RNF125: variants seen among roughly 807,000 people sequenced by gnomAD.
RNF125 encodes E3 ubiquitin-protein ligase RNF125.
Under a neutral mutation model 26.0 loss-of-function variants are expected in RNF125, and 21 were observed. The ratio of observed to expected loss-of-function variants is 0.81; its 90% CI spans 0.57 to 1.16. RNF125 has a LOEUF of 1.16. Ranked by LOEUF, RNF125 falls within the 50% of genes most tolerant of loss-of-function variation. RNF125 has a pLI of 0.00. For synonymous variants in RNF125, 95 were observed against 109.2 expected (o/e 0.87, Z 0.81); for missense variants, 270 against 299.4 (o/e 0.90, Z 0.72).
At chr18:32,082,557 T>C in the RNF125 span, among the ~76,000 whole-genome samples, 1 of 152,142 alleles carries the variant, frequency 6.6e-6, no homozygotes, top group Non-Finnish European at 1.5e-5. Context: ...TGTCCTGATA[T>C]AAAGTTTGTC....
the RNF125 span, among the ~76,000 whole-genome samples, chr18:32,085,569 C>T: frequency 3.3e-5 from 5 of 151,796 alleles, no homozygotes; most frequent in East Asian, 1.9e-4. Flanking sequence ...GGTGTGGCGG[C>T]GGGTGCCTGT....
intron 2 of RNF125, among the ~76,000 whole-genome samples, chr18:32,038,149 A>G (rs919702277): frequency 2.0e-5 from 3 of 150,662 alleles, no homozygotes; most frequent in African/African-American, 7.4e-5. Flanking sequence ...CTCAGGTTCA[A>G]GTGATTCTAA....
intron 4 of RNF125, among the ~76,000 whole-genome samples, chr18:32,058,477 C>G (rs888475685): frequency 1.3e-5 from 2 of 152,010 alleles, no homozygotes; most frequent in Non-Finnish European, 2.9e-5. Flanking sequence ...TCCCAAGTAG[C>G]TAGGACTACA....
In RNF125 at chr18:32,065,889, T is replaced by G. The variant is rs529127183; in HGVS notation, c.505-13T>G. On this transcript the variant is annotated splice_polypyrimidine_tract_variant and intron_variant, in intron 4 of 5. Transcript: ENST00000217740. Reference sequence around the variant, plus strand: ...AAATTCTTTCTTGAACCCCTGGTCTTGTTTGTTTCCAGTTCTGTCCACTTT... The same window carrying G: ...AAATTCTTTCTTGAACCCCTGGTCTGGTTTGTTTCCAGTTCTGTCCACTTT... 2.6e-6 allele frequency: 4 copies of G among 1,563,886 alleles called. No homozygotes were observed. The South Asian group carries it at 4.5e-5, about 17-fold the overall frequency.
intron 2 of RNF125, among the ~76,000 whole-genome samples, chr18:32,040,420 C>G (rs1206029721): frequency 6.6e-6 from 1 of 151,882 alleles, no homozygotes; most frequent in African/African-American, 2.4e-5. Context: ...TATAGGTGCA[C>G]ACCACCACAC....
At chr18:32,077,438 T>C (rs943490932), downstream of RNF125, among the ~76,000 whole-genome samples, 16 of 146,514 alleles carry the variant, frequency 1.1e-4, no homozygotes, top group Admixed American at 1.1e-3. Flanking sequence ...CTCAGCTCAA[T>C]GCAACCTCTG....
chr18:32,036,557 AAAGGAAGG>A (rs149149805), intron 1 of RNF125, among the ~76,000 whole-genome samples: 1 of 134,918 alleles, frequency 7.4e-6, no homozygotes, highest in Non-Finnish European at 1.6e-5. Context: ...TCTTGACCAG[AAAGGAAGG>A]AAGGAAGGAA....
At chr18:32,031,222 T>C (rs1449389921) in intron 1 of RNF125, 1 of 151,798 alleles carries the variant, frequency 6.6e-6, no homozygotes, top group African/African-American at 2.4e-5. Context: ...CTGAGGTTTC[T>C]TGAAAAGACT....
At chr18:32,058,132 TAAAAAAA>T (rs780204451) in intron 4 of RNF125, among the ~76,000 whole-genome samples, 1 of 80,676 alleles carries the variant, frequency 1.2e-5, no homozygotes, top group South Asian at 3.9e-4. Context: ...ACCCCATCTC[TAAAAAAA>T]AAAAAAAAAA....
chr18:32,056,477 A>C (rs2039384272), intron 4 of RNF125, among the ~76,000 whole-genome samples: 1 of 151,658 alleles, frequency 6.6e-6, no homozygotes, highest in Non-Finnish European at 1.5e-5. Context: ...TTAGCTGGGC[A>C]TGGTGGCCCA....
intron 1 of RNF125, among the ~76,000 whole-genome samples, chr18:32,020,095 T>TATCTCGGCTCACTGCA (rs1247362327): frequency 6.6e-6 from 1 of 151,570 alleles, no homozygotes; most frequent in African/African-American, 2.4e-5. Context: ...GCGGTGGTGC[T>TATCTCGGCTCACTGCA]ATCTCGGCTC....
chr18:32,078,330 C>T, the RNF125 span, among the ~76,000 whole-genome samples: 4 of 152,090 alleles, frequency 2.6e-5, no homozygotes, highest in Non-Finnish European at 5.9e-5. Flanking sequence ...ATTGCAACAC[C>T]ATTCATAATG....
At chr18:32,052,575 G>A (rs926541911) in intron 4 of RNF125, among the ~76,000 whole-genome samples, 1 of 151,790 alleles carries the variant, frequency 6.6e-6, no homozygotes, top group African/African-American at 2.4e-5. Flanking sequence ...TTCAGTGCAT[G>A]TTCCTTTTTT....
intron 4 of RNF125, among the ~76,000 whole-genome samples, chr18:32,049,560 T>C (rs2039304108): frequency 6.6e-6 from 1 of 151,604 alleles, no homozygotes; most frequent in Admixed American, 6.6e-5. Context: ...CCTCTCACAG[T>C]TAGAGAACCC....
chr18:32,068,258 A>G lies in RNF125; in HGVS notation c.613-40A>G, dbSNP rs1314693917. ...CTCATCCTCTAGTTTCTGAAATACT[A>G]TTGACTCTGAATATTTCTAATTATT... On this transcript the variant is annotated intron_variant, in intron 5 of 5. Transcript: ENST00000217740. The G allele has an allele frequency of 4.5e-5, 51 of 1,122,286 alleles. 1 individual carries two copies. In the Admixed American group the frequency reaches 8.5e-4, roughly 19 times the overall value. 69.5% of individuals were successfully genotyped at this position (1,122,286 alleles called of 1,614,324 possible). A position where few individuals can be genotyped will look rare whatever the true frequency, so the allele number is the denominator to read the frequency against.
In RNF125 at chr18:32,065,909, C is replaced by T. The variant is rs2039480699; in HGVS notation, c.512C>T (p.Pro171Leu). 2 of 1,609,044 alleles carry T rather than the reference C, an allele frequency of 1.2e-6. No homozygotes were observed. The highest frequency in any genetic ancestry group is 2.7e-5 in the African/African-American group (2 of 74,762). The change falls in exon 5 of 6, where the codon CCA (proline) becomes CTA (leucine). Residue 171 changes from proline to leucine, a missense_variant. Pro to Leu is a moderately conservative substitution (Grantham distance 98). Coordinates refer to ENST00000217740, the MANE Select transcript of RNF125 (RefSeq NM_017831.4). ...GGTCTTGTTTGTTTCCAGTTCTGTC[C>T]ACTTTGCCGTTTAATACCCGATGAG... is the stretch of plus-strand genomic sequence containing the variant. ...HRSERRPVFC[P>L]LCRLIPDENP... is the part of the protein sequence containing the mutation.
intron 4 of RNF125, among the ~76,000 whole-genome samples, chr18:32,058,882 G>A (rs1002383860): frequency 3.3e-5 from 5 of 152,128 alleles, no homozygotes; most frequent in Admixed American, 1.3e-4. Flanking sequence ...TGTGAAGTTT[G>A]TCTTTCTGTG....
At chr18:32,080,848 C>G in the RNF125 span, among the ~76,000 whole-genome samples, 5 of 152,118 alleles carry the variant, frequency 3.3e-5, no homozygotes, top group African/African-American at 1.2e-4. Context: ...TGCACTCTAG[C>G]CTGGGGGACT....
Position 32,018,828 on chromosome 18 carries a change from G to A in RNF125, c.-36G>A. On this transcript the variant is annotated 5_prime_UTR_variant, in exon 1 of 6. Coordinates refer to ENST00000217740, the MANE Select transcript of RNF125 (RefSeq NM_017831.4). ...ACAAAACAACCCTGCGGCAGGCACT[G>A]AGTGCTTCGCAGCTGTCTGGGCGAG... 1 of 1,516,126 alleles carries A rather than the reference G, an allele frequency of 6.6e-7. No individual in the cohort carries two copies. The highest frequency in any genetic ancestry group is 8.8e-7 in the Non-Finnish European group (1 of 1,132,512). The allele number at this position is 1,516,126 out of a possible 1,614,324, so 93.9% of individuals were successfully genotyped here.
Sources: gnomAD v4.1 joint callset for allele counts (sites outside exome capture counted in the v4.1 genomes callset) on GRCh38, gnomAD v4.1.1 for gene constraint, MANE v1.5 for transcripts, NCBI Gene and HGNC (gene_info 2026-07-23, HGNC 2026-07-21) for gene names.